The following SIAE variants were observed in gnomAD, a reference collection of about 807,000 sequenced individuals.
SIAE encodes the protein sialate O-acetylesterase.
A neutral mutation model predicts 52.6 loss-of-function variants in SIAE; 39 were observed. The observed-to-expected ratio is 0.74, with a 90% CI of 0.57 to 0.97. The LOEUF (loss-of-function observed/expected upper bound fraction) is 0.97, where lower values mean the gene tolerates loss of function less well. Ranked by LOEUF, SIAE falls within the 50% of genes least tolerant of loss-of-function variation. SIAE has a pLI of 0.00. For synonymous variants in SIAE, 233 were observed against 241.4 expected (o/e 0.97, Z 0.32); for missense variants, 592 against 662.1 (o/e 0.89, Z 1.16).
intron 3 of SIAE, chr11:124,659,041 A>G (rs1565415334): frequency 6.6e-6 from 1 of 152,210 alleles, no homozygotes; most frequent in Admixed American, 6.5e-5. Flanking sequence ...TTCAGACAGA[A>G]TTTTTTTCTG....
Position 124,638,659 on chromosome 11 carries a change from A to G in SIAE, c.1203T>C (p.Asn401=). The G allele has an allele frequency of 6.2e-7, 1 of 1,614,108 alleles. No individual in the cohort carries two copies. Among genetic ancestry groups the G allele is most frequent in the Non-Finnish European group, 8.5e-7 (1 of 1,180,028 alleles). The change falls in exon 9 of 10, where the codon AAT becomes AAC. Residue 401 remains asparagine (N), a synonymous_variant. Coordinates refer to ENST00000263593, the MANE Select transcript of SIAE (RefSeq NM_170601.5). ...GARALAYGEK[N]LTFEGPLPEK... is the part of the protein sequence containing the mutation. ...CAGGCAGTGGTCCTTCAAAGGTCAA[A>G]TTCTTCTCACCATAAGCCAGAGCAC...
chr11:124,636,913 C>T lies in SIAE; in HGVS notation c.*38G>A, dbSNP rs1434526324. On this transcript the variant is annotated 3_prime_UTR_variant, in exon 10 of 10. Coordinates refer to ENST00000263593, the MANE Select transcript of SIAE (RefSeq NM_170601.5). ...CTCCTAAATGCTAAAATCTGAAGGACCCATCCTTATATCTAAGTTCTGATC... is the reference window on the plus strand; with the variant it reads ...CTCCTAAATGCTAAAATCTGAAGGATCCATCCTTATATCTAAGTTCTGATC... 6.2e-6 allele frequency: 10 copies of T among 1,613,610 alleles called. No individual in the cohort carries two copies. Among genetic ancestry groups the T allele is most frequent in the Non-Finnish European group, 8.5e-6 (10 of 1,179,896 alleles).
At chr11:124,638,285 A>G (rs1327944843) in intron 9 of SIAE, among the ~76,000 whole-genome samples, 3 of 152,252 alleles carry the variant, frequency 2.0e-5, no homozygotes, top group Non-Finnish European at 4.4e-5. Flanking sequence ...CGGCAGAGAA[A>G]ATGTAAAAGG....
intron 5 of SIAE, among the ~76,000 whole-genome samples, chr11:124,648,686 C>A (rs1276333129): frequency 6.6e-6 from 1 of 152,134 alleles, no homozygotes; most frequent in Non-Finnish European, 1.5e-5. Context: ...AGGCTCTGAA[C>A]ACGTTCTCAA....
At chr11:124,653,144 C>T (rs990336313) in intron 4 of SIAE, among the ~76,000 whole-genome samples, 2 of 152,138 alleles carry the variant, frequency 1.3e-5, no homozygotes, top group Non-Finnish European at 2.9e-5. Context: ...GACTGGATAG[C>T]ATCAGATACT....
chr11:124,661,896 T>C (rs1943191472), intron 2 of SIAE, among the ~76,000 whole-genome samples: 1 of 152,166 alleles, frequency 6.6e-6, no homozygotes, highest in South Asian at 2.1e-4. Flanking sequence ...AAAAATACTA[T>C]CCAAGGGCCT....
chr11:124,638,317 C>G (rs1942785100), intron 9 of SIAE, among the ~76,000 whole-genome samples: 1 of 152,186 alleles, frequency 6.6e-6, no homozygotes, highest in Admixed American at 6.5e-5. Flanking sequence ...TTTTTAAAGT[C>G]CATTTTAATA....
Position 124,649,790 on chromosome 11 carries a change from A to C in SIAE, c.551T>G (p.Leu184Ter), listed in dbSNP as rs766120607. The stretch of plus-strand genomic sequence containing the variant: ...CATGTACTTGAAATATCCATGGCCT[A>C]AGTTTTCTGTTCAGAGAAATGGTTA... ...LQWSKPTSEN[L>*]GHGYFKYMSA... Residue 184 changes from leucine to a stop codon, truncating the protein, a stop_gained, in exon 5 of 10, where the codon TTA becomes TGA. Coordinates refer to ENST00000263593, the MANE Select transcript of SIAE (RefSeq NM_170601.5). LOFTEE classifies it high-confidence loss of function. 1.2e-6 allele frequency: 2 copies of C among 1,614,100 alleles called. No homozygotes were observed. Among genetic ancestry groups the C allele is most frequent in the Admixed American group, 3.3e-5 (2 of 60,022 alleles).
intron 7 of SIAE, among the ~76,000 whole-genome samples, chr11:124,640,541 T>C (rs1387152406): frequency 6.6e-6 from 1 of 152,036 alleles, no homozygotes; most frequent in East Asian, 1.9e-4. Context: ...TACAAAGCAA[T>C]AGATAACTGA....
At chr11:124,661,488 A>T (rs1228469675) in intron 2 of SIAE, among the ~76,000 whole-genome samples, 1 of 152,222 alleles carries the variant, frequency 6.6e-6, no homozygotes, top group African/African-American at 2.4e-5. Context: ...TTGGGACTCA[A>T]TTAGGGAAAT....
chr11:124,652,489 G>A (rs940338966), intron 4 of SIAE, among the ~76,000 whole-genome samples: 12 of 152,044 alleles, frequency 7.9e-5, no homozygotes, highest in African/African-American at 2.7e-4. Flanking sequence ...GAGGCCAGGA[G>A]TCCCAGACCA....
intron 7 of SIAE, among the ~76,000 whole-genome samples, chr11:124,641,959 CAAAA>C (rs11327177): frequency 3.1e-4 from 12 of 39,218 alleles, no homozygotes; most frequent in Admixed American, 7.6e-4. Context: ...GACTCCATCT[CAAAA>C]AAAAAAAAAA....
rs1468218326 is a variant in SIAE at position 124,634,466 on chromosome 11, A to T, written c.*2485T>A. 1 of 152,218 alleles carries T rather than the reference A, an allele frequency of 6.6e-6. No individual in the cohort carries two copies. Among genetic ancestry groups the T allele is most frequent in the African/African-American group, 2.4e-5 (1 of 41,458 alleles). 9.4% of individuals were successfully genotyped at this position (152,218 alleles called of 1,614,324 possible). A position where few individuals can be genotyped will look rare whatever the true frequency, so the allele number is the denominator to read the frequency against. On this transcript the variant is annotated 3_prime_UTR_variant, in exon 10 of 10. Coordinates refer to ENST00000263593, the MANE Select transcript of SIAE (RefSeq NM_170601.5). ...TGTCAATGAGGGTGAGGGCAAAAAA[A>T]GGACTACCTTGGTGAGAATGTAAGT...
intron 7 of SIAE, among the ~76,000 whole-genome samples, chr11:124,644,109 A>T (rs1942891247): frequency 6.6e-6 from 1 of 152,242 alleles, no homozygotes; most frequent in African/African-American, 2.4e-5. Flanking sequence ...ATATGGAACC[A>T]ATAGGCCATT....
In SIAE at chr11:124,670,175, T is replaced by A. The variant is rs566348451; in HGVS notation, c.68-654A>T. Among the ~76,000 whole-genome samples the A allele has an allele frequency of 1.1e-3, 162 of 152,248 alleles. 1 individual carries two copies. Among genetic ancestry groups the A allele is most frequent in the African/African-American group, 3.8e-3 (159 of 41,544 alleles). Reference sequence around the variant, plus strand: ...TCCTTCTCAGGTAAATTCAAATAAATCAAGACACATAAATAAGGTCAGTGA... The same window carrying A: ...TCCTTCTCAGGTAAATTCAAATAAAACAAGACACATAAATAAGGTCAGTGA... On this transcript the variant is annotated intron_variant, in intron 1 of 9. Transcript: ENST00000263593. The surrounding 1 kb of genome is among the most constrained non-coding windows in gnomAD (Gnocchi z 4.5).
chr11:124,663,271 A>G (rs11219749), intron 2 of SIAE, among the ~76,000 whole-genome samples: 20,027 of 152,114 alleles, frequency 0.13, 3,317 homozygotes, highest in African/African-American at 0.39. Flanking sequence ...ACTCAGAGAC[A>G]GTTCATTTAA....
At chr11:124,638,989 G>A (rs963328565) in intron 8 of SIAE, among the ~76,000 whole-genome samples, 1 of 152,132 alleles carries the variant, frequency 6.6e-6, no homozygotes, top group African/African-American at 2.4e-5. Context: ...CAGGTTGGGA[G>A]GAGGGAGGGA....
intron 3 of SIAE, among the ~76,000 whole-genome samples, chr11:124,658,434 G>A (rs568895241): frequency 1.3e-4 from 19 of 151,896 alleles, no homozygotes; most frequent in Admixed American, 9.2e-4. Flanking sequence ...CTTCTCTTCT[G>A]GATCTTAATT....
intron 2 of SIAE, among the ~76,000 whole-genome samples, chr11:124,666,978 T>C (rs1470008007): frequency 1.3e-5 from 2 of 152,176 alleles, no homozygotes; most frequent in African/African-American, 2.4e-5. Context: ...GAAACAGGCA[T>C]GAAGGGAGAA....
Sources: allele counts gnomAD v4.1 joint callset (sites outside exome capture counted in the v4.1 genomes callset), GRCh38; gene constraint gnomAD v4.1.1; non-coding constraint Gnocchi (gnomAD v3.1); transcripts MANE v1.5; gene names NCBI Gene and HGNC (gene_info 2026-07-23, HGNC 2026-07-21).